CENPP: variants seen among roughly 807,000 people sequenced by gnomAD.
CENPP encodes the protein centromere protein P.
CENPP carries 24 observed loss-of-function variants against 35.6 expected under a neutral mutation model. The observed-to-expected ratio is 0.67, with a 90% confidence interval of 0.49 to 0.95. The LOEUF is 0.95. Among genes scored for constraint, CENPP ranks in the 40% least tolerant of loss-of-function variants. The probability of loss-of-function intolerance (pLI) is 0.00; values close to 1 mark genes in which losing one functional copy is unlikely to be tolerated. For missense variants in CENPP, 332 were observed against 345.3 expected, an observed-to-expected ratio of 0.96 and a Z score of 0.31; for synonymous variants, 120 against 125.5, an observed-to-expected ratio of 0.96 and a Z score of 0.29.
intron 2 of CENPP, among the ~76,000 whole-genome samples, chr9:92,337,223 C>T (rs1840958287): frequency 1.3e-5 from 2 of 151,322 alleles, no homozygotes; most frequent in African/African-American, 4.9e-5. Context: ...GAGGCTGAGG[C>T]AGGAGAATTG....
At chr9:92,511,983 A>G in intron 5 of CENPP, 1 of 1,549,154 alleles carries the variant, frequency 6.5e-7, no homozygotes, top group South Asian at 1.2e-5. Context: ...CCATTCATCC[A>G]AATAGACAAA....
chr9:92,595,171 T>C (rs56282040), intron 5 of CENPP, among the ~76,000 whole-genome samples: 2,902 of 152,206 alleles, frequency 0.019, 45 homozygotes, highest in South Asian at 0.045. Flanking sequence ...GTGCTGGGAT[T>C]ACAGGCATAA....
intron 5 of CENPP, among the ~76,000 whole-genome samples, chr9:92,475,838 G>T (rs1845695806): frequency 6.6e-6 from 1 of 152,078 alleles, no homozygotes; most frequent in African/African-American, 2.4e-5. Flanking sequence ...AGTTCGGTTT[G>T]CTTGTTTTGT....
chr9:92,523,849 G>T (rs1848224542), intron 5 of CENPP, among the ~76,000 whole-genome samples: 1 of 152,184 alleles, frequency 6.6e-6, no homozygotes, highest in Non-Finnish European at 1.5e-5. Flanking sequence ...GAACATAACG[G>T]CGATAAGAAG....
At chr9:92,400,146 T>G (rs1843048754) in intron 5 of CENPP, among the ~76,000 whole-genome samples, 1 of 152,138 alleles carries the variant, frequency 6.6e-6, no homozygotes, top group African/African-American at 2.4e-5. Context: ...CTTTTGTTTT[T>G]TGTTTTTGTT....
intron 5 of CENPP, among the ~76,000 whole-genome samples, chr9:92,443,750 C>A (rs1844481847): frequency 6.6e-6 from 1 of 152,054 alleles, no homozygotes; most frequent in East Asian, 1.9e-4. Flanking sequence ...ACCTCCACCT[C>A]CCTGGTTCAA....
chr9:92,400,285 G>A (rs1394149617), intron 5 of CENPP, among the ~76,000 whole-genome samples: 2 of 152,272 alleles, frequency 1.3e-5, no homozygotes, highest in Middle Eastern at 3.4e-3. Context: ...GAGTAGCTGG[G>A]ATTACAGGCA....
At chr9:92,405,959 A>T (rs1313260772) in intron 5 of CENPP, among the ~76,000 whole-genome samples, 1 of 152,182 alleles carries the variant, frequency 6.6e-6, no homozygotes, top group Non-Finnish European at 1.5e-5. Flanking sequence ...ATAGCCTCTA[A>T]GTCAGCAGGA....
intron 4 of CENPP, among the ~76,000 whole-genome samples, chr9:92,349,649 A>G (rs887031396): frequency 2.0e-5 from 3 of 151,820 alleles, no homozygotes; most frequent in African/African-American, 7.3e-5. Context: ...TGATCCGCCC[A>G]CCTCAGCCTC....
intron 5 of CENPP, among the ~76,000 whole-genome samples, chr9:92,488,818 T>C (rs1351094475): frequency 1.3e-5 from 2 of 152,236 alleles, no homozygotes. Context: ...CAGGACATTT[T>C]AATAACATGA....
rs1383588039 is a variant in CENPP at position 92,578,294 on chromosome 9, T to C, written c.565-33020T>C. 2.0e-5 allele frequency among the ~76,000 whole-genome samples: 3 copies of C among 152,280 alleles called. No homozygotes were observed. In the East Asian group the frequency reaches 5.8e-4, roughly 29 times the overall value. Reference sequence around the variant, plus strand: ...TGTGTCTTTATAGCAGCATGATTTATAGTCCTTTGGGTATATACCCAGTAA... The same window carrying C: ...TGTGTCTTTATAGCAGCATGATTTACAGTCCTTTGGGTATATACCCAGTAA... On this transcript the variant is annotated intron_variant, in intron 5 of 7. Transcript: ENST00000375587.
At chr9:92,401,131 C>T (rs770950188) in intron 5 of CENPP, 2 of 1,553,786 alleles carry the variant, frequency 1.3e-6, no homozygotes, top group African/African-American at 2.7e-5. Context: ...GTTATTGCCT[C>T]ATCTTTTTGT....
At chr9:92,478,256 A>G (rs1845783756) in intron 5 of CENPP, among the ~76,000 whole-genome samples, 1 of 152,160 alleles carries the variant, frequency 6.6e-6, no homozygotes, top group South Asian at 2.1e-4. Flanking sequence ...GGTGTAATCA[A>G]AGGTTTCTCA....
intron 5 of CENPP, among the ~76,000 whole-genome samples, chr9:92,578,556 G>A (rs1348785880): frequency 1.3e-5 from 2 of 152,186 alleles, no homozygotes; most frequent in South Asian, 2.1e-4. Context: ...GTCAGTGATG[G>A]TGAGCATTTT....
intron 5 of CENPP, chr9:92,416,584 T>C (rs1400388151): frequency 1.6e-6 from 2 of 1,274,136 alleles, no homozygotes; most frequent in Admixed American, 4.8e-5. Context: ...GATTCCATTC[T>C]TTCTCTCTTC....
chr9:92,440,814 G>A (rs1844366785), intron 5 of CENPP, among the ~76,000 whole-genome samples: 2 of 152,092 alleles, frequency 1.3e-5, no homozygotes, highest in East Asian at 1.9e-4. Flanking sequence ...GTGGTTTCAG[G>A]CATCTACAGG....
intron 5 of CENPP, among the ~76,000 whole-genome samples, chr9:92,466,843 C>T (rs1045263964): frequency 1.3e-5 from 2 of 152,190 alleles, no homozygotes; most frequent in African/African-American, 4.8e-5. Context: ...TTTCATATGG[C>T]TAAGCCTTCA....
chr9:92,449,902 C>A (rs1223729849), intron 5 of CENPP, among the ~76,000 whole-genome samples: 1 of 152,046 alleles, frequency 6.6e-6, no homozygotes, highest in Non-Finnish European at 1.5e-5. Flanking sequence ...TATAAATTAC[C>A]CAGTGTCAGG....
intron 5 of CENPP, among the ~76,000 whole-genome samples, chr9:92,562,193 C>G (rs867256896): frequency 3.5e-5 from 5 of 141,332 alleles, no homozygotes; most frequent in African/African-American, 1.3e-4. Flanking sequence ...ACTCAGTTTT[C>G]TTTTTTTTCT....
Sources: gnomAD v4.1 joint callset for allele counts (sites outside exome capture counted in the v4.1 genomes callset) on GRCh38, gnomAD v4.1.1 for gene constraint, MANE v1.5 for transcripts, NCBI Gene and HGNC (gene_info 2026-07-23, HGNC 2026-07-21) for gene names.